SPTA1: variants seen among roughly 807,000 people sequenced by gnomAD.
SPTA1 encodes spectrin alpha, erythrocytic 1, also known as spectrin alpha chain, erythrocytic 1.
Under a neutral mutation model 324.7 loss-of-function variants are expected in SPTA1, and 177 were observed. The ratio of observed to expected loss-of-function variants is 0.55; its 90% CI spans 0.48 to 0.62. SPTA1 has a LOEUF of 0.62. SPTA1 is among the 20% of genes least tolerant of loss of function. SPTA1 has a pLI of 0.00. For missense variants in SPTA1, 3,162 were observed against 2,883.6 expected, an observed-to-expected ratio of 1.10 and a Z score of -2.21; for synonymous variants, 1,195 against 1,041.3, an observed-to-expected ratio of 1.15 and a Z score of -2.84.
At chr1:158,679,521 G>T (rs1654641606) in intron 5 of SPTA1, among the ~76,000 whole-genome samples, 1 of 152,068 alleles carries the variant, frequency 6.6e-6, no homozygotes, top group Admixed American at 6.6e-5. Context: ...ACACTGGTAT[G>T]TAAGAAGCAT....
intron 39 of SPTA1, among the ~76,000 whole-genome samples, chr1:158,631,377 T>C (rs986694459): frequency 2.0e-5 from 3 of 152,154 alleles, no homozygotes; most frequent in Non-Finnish European, 4.4e-5. Context: ...ATGTCTTACG[T>C]TCTCACTTAT....
In SPTA1 at chr1:158,638,526, A is replaced by G. The variant is rs567334144; in HGVS notation, c.4981-285T>C. ...TATTTGCCTTCTCTCCCCAACTAAAAAAGAAAACCAGCAAGGTGCGGTGGC... is the reference window on the plus strand; with the variant it reads ...TATTTGCCTTCTCTCCCCAACTAAAGAAGAAAACCAGCAAGGTGCGGTGGC... On this transcript the variant is annotated intron_variant, in intron 35 of 51. Transcript: ENST00000643759. Among the ~76,000 whole-genome samples the G allele has an allele frequency of 6.6e-5, 10 of 152,214 alleles. No individual in the cohort carries two copies. The South Asian group carries it at 2.1e-3, about 32-fold the overall frequency.
intron 39 of SPTA1, among the ~76,000 whole-genome samples, chr1:158,629,166 A>C (rs1394332194): frequency 2.0e-5 from 3 of 146,382 alleles, no homozygotes; most frequent in East Asian, 2.0e-4. Flanking sequence ...AGATATGTCT[A>C]TCAAGAGAGA....
intron 11 of SPTA1, among the ~76,000 whole-genome samples, chr1:158,671,665 C>T (rs1348518704): frequency 1.3e-5 from 2 of 152,144 alleles, no homozygotes; most frequent in Non-Finnish European, 2.9e-5. Context: ...GTTTCTGGGT[C>T]TGTCCACATG....
chr1:158,653,072 A>G (rs901389109), intron 22 of SPTA1, among the ~76,000 whole-genome samples: 4 of 152,162 alleles, frequency 2.6e-5, no homozygotes, highest in African/African-American at 9.7e-5. Flanking sequence ...ACCTCAGGAA[A>G]TTGATGGAAT....
chr1:158,645,087 A>G, intron 29 of SPTA1, 101 bp downstream of exon 29: 1 of 1,222,158 alleles, frequency 8.2e-7, no homozygotes, highest in Non-Finnish European at 1.2e-6. Flanking sequence ...TTGTGTTTAT[A>G]ACGTGGAAAG....
chr1:158,625,124 A>G (rs932423731), intron 42 of SPTA1, among the ~76,000 whole-genome samples: 3 of 152,240 alleles, frequency 2.0e-5, no homozygotes, highest in African/African-American at 7.2e-5. Context: ...CCAACTATAC[A>G]ATATTTACAA....
chr1:158,650,833 G>T (rs1004253271), intron 24 of SPTA1, among the ~76,000 whole-genome samples: 2 of 152,138 alleles, frequency 1.3e-5, no homozygotes, highest in African/African-American at 4.8e-5. Flanking sequence ...GTTTAATTTG[G>T]TGTAGCCTGG....
At chr1:158,654,522 G>A in intron 21 of SPTA1, 89 bp downstream of exon 21, 1 of 1,539,534 alleles carries the variant, frequency 6.5e-7, no homozygotes, top group Non-Finnish European at 8.9e-7. Context: ...ATAAATGTTA[G>A]ATGGTAAAAA....
intron 28 of SPTA1, 38 bp downstream of exon 28, chr1:158,645,457 G>A: frequency 6.2e-7 from 1 of 1,613,838 alleles, no homozygotes; most frequent in Non-Finnish European, 8.5e-7. Flanking sequence ...AGAGGTTTCA[G>A]GTCAAGTGAT....
At chr1:158,662,436 T>C (rs905329276) in intron 17 of SPTA1, among the ~76,000 whole-genome samples, 12 of 152,206 alleles carry the variant, frequency 7.9e-5, no homozygotes, top group African/African-American at 2.9e-4. Context: ...CTTCACAGTT[T>C]TAGAGCACGC....
chr1:158,669,549 C>T lies in SPTA1; in HGVS notation c.1692G>A (p.Arg564=). Residue 564 remains arginine (R), a synonymous_variant, in exon 14 of 52, where the codon CGG becomes CGA. Transcript: ENST00000643759. ...TGGCAGCCTTTTCACGTAGGGCATCCCGCCGGGCTAACAGCTGCAAAAACC... is the reference window on the plus strand; with the variant it reads ...TGGCAGCCTTTTCACGTAGGGCATCTCGCCGGGCTAACAGCTGCAAAAACC... ...KAIRDGLLAR[R]DALREKAATR... is the part of the protein sequence containing the mutation. The T allele has an allele frequency of 6.2e-7, 1 of 1,614,130 alleles. No homozygotes were observed. Among genetic ancestry groups the T allele is most frequent in the Non-Finnish European group, 8.5e-7 (1 of 1,180,004 alleles).
intron 37 of SPTA1, 151 bp from the exon 38 acceptor site, chr1:158,636,185 T>C: frequency 7.3e-7 from 1 of 1,371,766 alleles, no homozygotes; most frequent in Non-Finnish European, 1.0e-6. Context: ...CCAGGGAGAA[T>C]GATGAAAGCT....
At chr1:158,657,921 G>A (rs905515466) in intron 18 of SPTA1, among the ~76,000 whole-genome samples, 4 of 152,190 alleles carry the variant, frequency 2.6e-5, no homozygotes, top group Non-Finnish European at 5.9e-5. Context: ...GGTTGGTATT[G>A]TCTGACAAAG....
In SPTA1 at chr1:158,611,323, G is replaced by T. The variant is rs1442688061; in HGVS notation, c.7201C>A (p.Arg2401=). 2.5e-6 allele frequency: 4 copies of T among 1,613,748 alleles called. No individual in the cohort carries two copies. The highest frequency in any genetic ancestry group is 3.4e-6 in the Non-Finnish European group (4 of 1,179,790). ...HMQQYMDPRG[R]SHLSGYDYVG... is the part of the protein sequence containing the mutation. ...TAGTCATAGCCAGAGAGATGGCTTC[G>T]ACCCCGTGGGTCCATATATTGCTGC... Residue 2401 remains arginine (R), a synonymous_variant, in exon 52 of 52, where the codon CGA becomes AGA. Coordinates refer to ENST00000643759, the MANE Select transcript of SPTA1 (RefSeq NM_003126.4).
At chr1:158,622,900 T>C in intron 43 of SPTA1, 83 bp downstream of exon 43, 1 of 1,232,316 alleles carries the variant, frequency 8.1e-7, no homozygotes, top group Non-Finnish European at 1.2e-6. Context: ...TTATCCAAAC[T>C]GAGTTTCCAA....
At chr1:158,686,363 TA>T in intron 1 of SPTA1, 130 bp downstream of exon 1, 1 of 651,852 alleles carries the variant, frequency 1.5e-6, no homozygotes, top group Admixed American at 2.8e-5. Flanking sequence ...TAGTTAAAAG[TA>T]AAATTATCTA....
chr1:158,676,947 AAAC>A (rs991803728), intron 7 of SPTA1, among the ~76,000 whole-genome samples: 4 of 152,262 alleles, frequency 2.6e-5, no homozygotes, highest in South Asian at 4.1e-4. Context: ...AAAAGACCAA[AAAC>A]AACAACAACA....
intron 48 of SPTA1, 189 bp from the exon 49 acceptor site, chr1:158,614,495 C>A: frequency 7.5e-6 from 4 of 530,456 alleles, no homozygotes; most frequent in South Asian, 5.5e-5. Context: ...AGTCCATGAG[C>A]CAAGAGTAGA....
Sources: allele counts gnomAD v4.1 joint callset (sites outside exome capture counted in the v4.1 genomes callset), GRCh38; gene constraint gnomAD v4.1.1; transcripts MANE v1.5; gene names NCBI Gene and HGNC (gene_info 2026-07-23, HGNC 2026-07-21).